Variants in ZC3H12B observed in about 807,000 individuals in gnomAD.
ZC3H12B encodes probable ribonuclease ZC3H12B.
In ZC3H12B, 7 loss-of-function variants were observed where a neutral mutation model predicts 43.9. The observed-to-expected ratio is 0.16, with a 90% CI of 0.09 to 0.30. The LOEUF is 0.30. Among genes scored for constraint, ZC3H12B ranks in the 10% least tolerant of loss-of-function variants. ZC3H12B has a pLI of 1.00. For synonymous variants in ZC3H12B, 222 were observed against 241.7 expected (o/e 0.92, Z 0.76); for missense variants, 475 against 670.2 (o/e 0.71, Z 3.22).
chrX:65,309,522 A>G, the ZC3H12B span, among the ~76,000 whole-genome samples: 1 of 111,877 alleles, frequency 8.9e-6, no homozygotes, highest in Non-Finnish European at 1.9e-5. Flanking sequence ...CCAATCAAAA[A>G]AATTCCAGGA....
the ZC3H12B span, among the ~76,000 whole-genome samples, chrX:65,200,426 CTTTT>C: frequency 1.3e-4 from 8 of 59,596 alleles, no homozygotes; most frequent in African/African-American, 2.7e-4. Context: ...ATAGTTTCCT[CTTTT>C]TTTTTTTTTT....
chrX:65,248,213 C>A, the ZC3H12B span, among the ~76,000 whole-genome samples: 2 of 110,476 alleles, frequency 1.8e-5, no homozygotes, highest in Non-Finnish European at 3.8e-5. Flanking sequence ...TTTTGTATTT[C>A]TTTAAGTAGT....
At chrX:65,410,107 GA>G (rs35885886) in intron 3 of ZC3H12B, among the ~76,000 whole-genome samples, 18,644 of 45,408 alleles carry the variant, frequency 0.41, 5,492 homozygotes, top group African/African-American at 0.81. Flanking sequence ...TATTAAATCA[GA>G]AAAAAAAAAA....
chrX:65,138,794 AGAT>A, the ZC3H12B span, among the ~76,000 whole-genome samples: 1 of 111,693 alleles, frequency 9.0e-6, no homozygotes, highest in South Asian at 3.7e-4. Context: ...AACAGGTGTG[AGAT>A]GATATTTCAT....
intron 2 of ZC3H12B, among the ~76,000 whole-genome samples, chrX:65,390,756 A>G (rs1014034256): frequency 9.0e-6 from 1 of 110,976 alleles, no homozygotes; most frequent in African/African-American, 3.3e-5. Flanking sequence ...ATTTCATTCA[A>G]CAGCTGCAGA....
chrX:65,501,901 G>A, exon 5 of ZC3H12B: 1 of 1,209,902 alleles, frequency 8.3e-7, no homozygotes, highest in Non-Finnish European at 1.1e-6. Flanking sequence ...TGTCCACAGT[G>A]AAAACTATGA....
chrX:65,407,818 C>T (rs1406963017), intron 3 of ZC3H12B, among the ~76,000 whole-genome samples: 1 of 113,229 alleles, frequency 8.8e-6, no homozygotes, highest in Non-Finnish European at 1.9e-5. Flanking sequence ...CCGACGTCTC[C>T]GCGCAGGTTA....
chrX:65,446,238 T>A (rs191578045), intron 3 of ZC3H12B, among the ~76,000 whole-genome samples: 1 of 111,874 alleles, frequency 8.9e-6, no homozygotes, highest in African/African-American at 3.2e-5. Context: ...GACAAAGTCA[T>A]CTTTACCTTT....
chrX:65,203,942 A>G, the ZC3H12B span, among the ~76,000 whole-genome samples: 3 of 111,681 alleles, frequency 2.7e-5, no homozygotes, highest in African/African-American at 9.7e-5. Flanking sequence ...CTCTAGCTAG[A>G]GATGTTATAA....
the ZC3H12B span, among the ~76,000 whole-genome samples, chrX:65,303,919 T>C: frequency 2.7e-5 from 3 of 112,546 alleles, no homozygotes; most frequent in Non-Finnish European, 5.6e-5. Flanking sequence ...AGATCTGTAA[T>C]ACTCTTGGAT....
the ZC3H12B span, among the ~76,000 whole-genome samples, chrX:65,117,378 A>G: frequency 2.7e-5 from 3 of 111,979 alleles, no homozygotes; most frequent in African/African-American, 9.7e-5. Context: ...TTGTCTGTTC[A>G]TATCCTTCGC....
At chrX:65,265,980 A>G in the ZC3H12B span, among the ~76,000 whole-genome samples, 251 of 111,776 alleles carry the variant, frequency 2.2e-3, 2 homozygotes, top group African/African-American at 7.5e-3. Context: ...TGGTAACACA[A>G]CTAGAGCACA....
At chrX:65,060,112 T>C in the ZC3H12B span, among the ~76,000 whole-genome samples, 1 of 112,611 alleles carries the variant, frequency 8.9e-6, no homozygotes, top group Non-Finnish European at 1.9e-5. Flanking sequence ...AGTTTTCTTG[T>C]GGAATTTTAA....
At chrX:65,178,213 C>G in the ZC3H12B span, among the ~76,000 whole-genome samples, 4 of 112,174 alleles carry the variant, frequency 3.6e-5, no homozygotes, top group African/African-American at 1.3e-4. Context: ...TAGCCATATG[C>G]AGCAAACTGA....
At chrX:65,243,889 T>C in the ZC3H12B span, among the ~76,000 whole-genome samples, 24 of 112,088 alleles carry the variant, frequency 2.1e-4, no homozygotes, top group African/African-American at 7.8e-4. Flanking sequence ...CAGATACTAC[T>C]TATTGTTGCT....
At chrX:65,484,626 A>G (rs1051316608), upstream of ZC3H12B, among the ~76,000 whole-genome samples, 4 of 112,619 alleles carry the variant, frequency 3.6e-5, no homozygotes, top group African/African-American at 1.3e-4. Context: ...TACCAAACAC[A>G]ATAACAAGTG....
chrX:65,503,770 C>T (rs1013590390), exon 5 of ZC3H12B: 3 of 111,012 alleles, frequency 2.7e-5, no homozygotes, highest in East Asian at 2.8e-4. Context: ...GCGTGCACCA[C>T]CATGCCCAGC....
the ZC3H12B span, among the ~76,000 whole-genome samples, chrX:65,327,054 A>G: frequency 9.0e-6 from 1 of 111,526 alleles, no homozygotes; most frequent in Admixed American, 9.6e-5. Context: ...TCATTATGAA[A>G]AACAGTGTGG....
intron 3 of ZC3H12B, among the ~76,000 whole-genome samples, chrX:65,464,884 GAA>G (rs1334860842): frequency 1.8e-5 from 2 of 110,720 alleles, no homozygotes; most frequent in African/African-American, 6.5e-5. Flanking sequence ...TGATTATTTA[GAA>G]TCATCTGATT....
Sources: gnomAD v4.1 joint callset for allele counts (sites outside exome capture counted in the v4.1 genomes callset) on GRCh38, gnomAD v4.1.1 for gene constraint, MANE v1.5 for transcripts, NCBI Gene and HGNC (gene_info 2026-07-23, HGNC 2026-07-21) for gene names.